The following GAB1 variants were observed in gnomAD, a reference collection of about 807,000 sequenced individuals.
GAB1 encodes GRB2-associated-binding protein 1.
Under a neutral mutation model 66.5 loss-of-function variants are expected in GAB1, and 19 were observed. The ratio of observed to expected loss-of-function variants is 0.29; its 90% confidence interval spans 0.20 to 0.42. The LOEUF (loss-of-function observed/expected upper bound fraction) is 0.42, where lower values mean the gene tolerates loss of function less well. Among genes scored for constraint, GAB1 ranks in the 10% least tolerant of loss-of-function variants. The probability of loss-of-function intolerance (pLI) is 1.00; values close to 1 mark genes in which losing one functional copy is unlikely to be tolerated. For synonymous variants in GAB1, 294 were observed against 301.4 expected (o/e 0.98, Z 0.25); for missense variants, 732 against 858.5 (o/e 0.85, Z 1.84).
intron 1 of GAB1, among the ~76,000 whole-genome samples, chr4:143,376,197 A>G (rs546631120): frequency 2.0e-4 from 30 of 152,310 alleles, no homozygotes; most frequent in African/African-American, 5.5e-4. Flanking sequence ...TATAAAAAAG[A>G]AAAAAATACA....
At chr4:143,425,357 C>T (rs1446278272) in intron 2 of GAB1, 2 of 763,184 alleles carry the variant, frequency 2.6e-6, no homozygotes, top group Non-Finnish European at 4.8e-6. Context: ...CTGGTCACTT[C>T]ACTCCTGGAA....
At chr4:143,342,304 T>A (rs1728847008) in intron 1 of GAB1, among the ~76,000 whole-genome samples, 1 of 152,170 alleles carries the variant, frequency 6.6e-6, no homozygotes, top group South Asian at 2.1e-4. Flanking sequence ...TCTTTAAAAT[T>A]ATTTTTTTAA....
intron 1 of GAB1, among the ~76,000 whole-genome samples, chr4:143,413,077 C>T (rs1176744938): frequency 6.6e-6 from 1 of 152,044 alleles, no homozygotes; most frequent in African/African-American, 2.4e-5. Flanking sequence ...GAAAGATTTG[C>T]GTGCAAGACA....
intron 1 of GAB1, among the ~76,000 whole-genome samples, chr4:143,361,918 T>TTG (rs1339659115): frequency 5.9e-5 from 9 of 151,502 alleles, no homozygotes; most frequent in South Asian, 2.1e-4. Flanking sequence ...GTGTGTGGTT[T>TTG]TTTTTTGTTT....
At chr4:143,434,362 TTATC>T (rs1211520537) in intron 3 of GAB1, among the ~76,000 whole-genome samples, 1 of 147,174 alleles carries the variant, frequency 6.8e-6, no homozygotes, top group Non-Finnish European at 1.5e-5. Context: ...GCCTTTTTAT[TTATC>T]TTTTTTTTTT....
intron 3 of GAB1, among the ~76,000 whole-genome samples, chr4:143,434,476 C>A (rs1189519268): frequency 6.6e-6 from 1 of 151,620 alleles, no homozygotes; most frequent in Non-Finnish European, 1.5e-5. Flanking sequence ...TGCCTCAGCC[C>A]CCAGGTAGCT....
chr4:143,429,749 T>C (rs1733551277), intron 2 of GAB1, among the ~76,000 whole-genome samples: 1 of 152,204 alleles, frequency 6.6e-6, no homozygotes, highest in Non-Finnish European at 1.5e-5. Context: ...AAACAACCAG[T>C]TTCTCCAATT....
intron 6 of GAB1, among the ~76,000 whole-genome samples, chr4:143,444,562 T>G (rs1734408374): frequency 1.3e-5 from 2 of 152,218 alleles, no homozygotes; most frequent in South Asian, 4.1e-4. Flanking sequence ...TTAAAGTTTC[T>G]GAATGTGATT....
chr4:143,435,708 A>G lies in GAB1; in HGVS notation c.593+1992A>G, dbSNP rs545239687. On this transcript the variant is annotated intron_variant, in intron 3 of 9. Transcript: ENST00000262994. ...TATAAGATATAGTCTACTCAGATAT[A>G]GTCACCTTTGGAGTTTACAAGTAAG... Among the ~76,000 whole-genome samples the G allele has an allele frequency of 6.6e-5, 10 of 152,364 alleles. No homozygotes were observed. The South Asian group carries it at 1.9e-3, about 28-fold the overall frequency.
intron 6 of GAB1, among the ~76,000 whole-genome samples, chr4:143,446,205 T>C (rs1418113021): frequency 6.6e-6 from 1 of 152,172 alleles, no homozygotes; most frequent in African/African-American, 2.4e-5. Context: ...GTTGGACATT[T>C]AGGTTGGTTC....
At chr4:143,367,605 A>T (rs547516899) in intron 1 of GAB1, among the ~76,000 whole-genome samples, 103 of 151,622 alleles carry the variant, frequency 6.8e-4, no homozygotes, top group African/African-American at 2.4e-3. Context: ...TTAATGAAAC[A>T]ATCTGTAATA....
At chr4:143,453,181 T>C (rs1163907087) in intron 6 of GAB1, among the ~76,000 whole-genome samples, 2 of 152,196 alleles carry the variant, frequency 1.3e-5, no homozygotes, top group Non-Finnish European at 1.5e-5. Flanking sequence ...CTAAGTAACA[T>C]AGTACAATTT....
chr4:143,405,985 A>G (rs913295128), intron 1 of GAB1, among the ~76,000 whole-genome samples: 1 of 152,078 alleles, frequency 6.6e-6, no homozygotes, highest in African/African-American at 2.4e-5. Context: ...AGCCATTCCT[A>G]AGCATCACTT....
intron 3 of GAB1, among the ~76,000 whole-genome samples, chr4:143,435,960 G>A (rs1733919503): frequency 6.6e-6 from 1 of 152,174 alleles, no homozygotes; most frequent in African/African-American, 2.4e-5. Context: ...TAGAAACGAT[G>A]TTTTTACTTA....
intron 1 of GAB1, among the ~76,000 whole-genome samples, chr4:143,380,894 G>T (rs1730631872): frequency 6.6e-6 from 1 of 152,244 alleles, no homozygotes; most frequent in African/African-American, 2.4e-5. Flanking sequence ...TAATTGTAGG[G>T]ATTTTCTGTG....
In GAB1 at chr4:143,440,167, G is replaced by C; in HGVS notation, c.1370G>C (p.Arg457Pro). ...CCAATGAATCCCAATTCACCACCAC[G>C]ACAACATTCCAGCAGTTTTACAGAA... is the stretch of plus-strand genomic sequence containing the variant. Reference protein sequence around the residue: ...YVPMNPNSPPRQHSSSFTEPI... With the variant: ...YVPMNPNSPPPQHSSSFTEPI... The change falls in exon 6 of 10, where the codon CGA (arginine) becomes CCA (proline). Residue 457 changes from arginine to proline, a missense_variant. Coordinates refer to ENST00000262994, the MANE Select transcript of GAB1 (RefSeq NM_002039.4). 1 of 1,614,106 alleles carries C rather than the reference G, an allele frequency of 6.2e-7. No homozygotes were observed. The highest frequency in any genetic ancestry group is 1.3e-5 in the African/African-American group (1 of 75,028).
chr4:143,401,700 G>A (rs1045643943), intron 1 of GAB1, among the ~76,000 whole-genome samples: 2 of 152,094 alleles, frequency 1.3e-5, no homozygotes, highest in African/African-American at 4.8e-5. Flanking sequence ...GCCTCAGAAG[G>A]TTGTATGGCT....
rs1382553206 is a variant in GAB1 at position 143,459,574 on chromosome 4, A to G, written c.1679+96A>G. 7 of 799,924 alleles carry G rather than the reference A, an allele frequency of 8.8e-6. No homozygotes were observed. The East Asian group carries it at 1.5e-4, about 17-fold the overall frequency. 49.6% of individuals were successfully genotyped at this position (799,924 alleles called of 1,614,324 possible). On this transcript the variant is annotated intron_variant, in intron 7 of 9. Transcript: ENST00000262994. ...AAAATATCTGGAATAGTGGTTCTCA[A>G]TGGATGATCTGAAGAGCCCCCTTTT...
At position 143,458,367 on chromosome 4, in the gene GAB1, G is replaced by A. The variant is rs191600615; in HGVS notation, c.1586-1018G>A. Among the ~76,000 whole-genome samples, 172 of 152,030 alleles carry A rather than the reference G, an allele frequency of 1.1e-3. 2 individuals are homozygous for A. In the South Asian group the frequency reaches 0.022, roughly 19 times the overall value. On this transcript the variant is annotated intron_variant, in intron 6 of 9. Transcript: ENST00000262994. ...AATACTTATGAGCCTCAATGCGTATGGTCCTTTAAAATGACCATTCATTTT... is the reference window on the plus strand; with the variant it reads ...AATACTTATGAGCCTCAATGCGTATAGTCCTTTAAAATGACCATTCATTTT...
Sources: gnomAD v4.1 joint callset for allele counts (sites outside exome capture counted in the v4.1 genomes callset) on GRCh38, gnomAD v4.1.1 for gene constraint, MANE v1.5 for transcripts, NCBI Gene and HGNC (gene_info 2026-07-23, HGNC 2026-07-21) for gene names.